Variants in TTC28 observed in about 807,000 individuals in gnomAD.
TTC28 encodes the protein tetratricopeptide repeat protein 28.
In TTC28, 61 loss-of-function variants were observed where a neutral mutation model predicts 198.0. The observed-to-expected ratio is 0.31, with a 90% CI of 0.25 to 0.38. The LOEUF is 0.38. TTC28 is among the 10% of genes least tolerant of loss of function. TTC28 has a pLI of 1.00. For missense variants in TTC28, 2,678 were observed against 3,164.0 expected (o/e 0.85, Z 3.69); for synonymous variants, 1,171 against 1,297.8 (o/e 0.90, Z 2.10).
chr22:28,278,099 T>C (rs2044505723), intron 5 of TTC28, among the ~76,000 whole-genome samples: 1 of 152,120 alleles, frequency 6.6e-6, no homozygotes, highest in African/African-American at 2.4e-5. Flanking sequence ...AGCTATTGGT[T>C]CAATCTACAG....
intron 6 of TTC28, among the ~76,000 whole-genome samples, chr22:28,111,855 C>T (rs1942489780): frequency 6.6e-6 from 1 of 152,172 alleles, no homozygotes; most frequent in South Asian, 2.1e-4. Flanking sequence ...CTGTAGGAAG[C>T]TTGGCTTTCC....
intron 1 of TTC28, among the ~76,000 whole-genome samples, chr22:28,637,736 C>T (rs549426113): frequency 9.3e-5 from 14 of 150,240 alleles, no homozygotes; most frequent in African/African-American, 3.2e-4. Context: ...AAATTCAGGA[C>T]ACAATAAAAT....
intron 14 of TTC28, 115 bp from the exon 15 acceptor site, chr22:28,001,668 GT>G (rs1937699539): frequency 1.6e-6 from 2 of 1,225,566 alleles, no homozygotes; most frequent in Non-Finnish European, 2.2e-6. Flanking sequence ...GGTGAGGCCT[GT>G]GGGGGTGTGG....
At chr22:28,316,928 G>A (rs2045361389) in intron 2 of TTC28, among the ~76,000 whole-genome samples, 2 of 151,900 alleles carry the variant, frequency 1.3e-5, no homozygotes, top group Admixed American at 6.6e-5. Context: ...TACCATGCCT[G>A]GCTAACTTAA....
At chr22:28,373,247 C>T (rs1361376067) in intron 2 of TTC28, among the ~76,000 whole-genome samples, 1 of 148,816 alleles carries the variant, frequency 6.7e-6, no homozygotes, top group Non-Finnish European at 1.5e-5. Context: ...TCCTGTTTTA[C>T]AAATGTTGAA....
chr22:28,340,237 G>A (rs2045807941), intron 2 of TTC28, among the ~76,000 whole-genome samples: 2 of 152,026 alleles, frequency 1.3e-5, no homozygotes, highest in Admixed American at 1.3e-4. Flanking sequence ...GTGAGGGGTT[G>A]GAGTAAGTGA....
chr22:27,978,212 G>A lies in TTC28; in HGVS notation c.*4009C>T, dbSNP rs987189075. 1 of 152,234 alleles carries A rather than the reference G, an allele frequency of 6.6e-6. No homozygotes were observed. The highest frequency in any genetic ancestry group is 2.4e-5 in the African/African-American group (1 of 41,464). 9.4% of individuals were successfully genotyped at this position (152,234 alleles called of 1,614,324 possible). ...CAAAGATGGCTAACACTGCATATAA[G>A]GAACGTGAATGCCAGTGGGAAGGTG... On this transcript the variant is annotated 3_prime_UTR_variant, in exon 23 of 23. Transcript: ENST00000397906.
At chr22:28,548,249 G>C (rs1442223030) in intron 2 of TTC28, among the ~76,000 whole-genome samples, 1 of 152,126 alleles carries the variant, frequency 6.6e-6, no homozygotes, top group East Asian at 1.9e-4. Context: ...TGCATTTATA[G>C]CAGGCTGAGC....
At chr22:28,370,511 A>G (rs559782410) in intron 2 of TTC28, among the ~76,000 whole-genome samples, 9 of 152,330 alleles carry the variant, frequency 5.9e-5, no homozygotes, top group African/African-American at 1.7e-4. Context: ...AAACTATTCT[A>G]TATCTTGTCC....
At chr22:28,133,416 A>G (rs547066685) in intron 6 of TTC28, among the ~76,000 whole-genome samples, 2 of 152,228 alleles carry the variant, frequency 1.3e-5, no homozygotes, top group Admixed American at 6.5e-5. Context: ...GTGAGGCATC[A>G]CCTCACTCAG....
At position 28,191,051 on chromosome 22, in the gene TTC28, C is replaced by A. The variant is rs1483493093; in HGVS notation, c.934-27452G>T. Among the ~76,000 whole-genome samples, 6 of 152,170 alleles carry A rather than the reference C, an allele frequency of 3.9e-5. No individual in the cohort carries two copies. In the East Asian group the frequency reaches 1.2e-3, roughly 29 times the overall value. On this transcript the variant is annotated intron_variant, in intron 5 of 22. Coordinates refer to ENST00000397906, the MANE Select transcript of TTC28 (RefSeq NM_001145418.2). Reference sequence around the variant, plus strand: ...AACGATTTTCACAATATGATTCCAACCTCCTTTTTAGTATCATCTCCCTCC... The same window carrying A: ...AACGATTTTCACAATATGATTCCAAACTCCTTTTTAGTATCATCTCCCTCC...
intron 5 of TTC28, among the ~76,000 whole-genome samples, chr22:28,191,674 A>C (rs1298862594): frequency 6.6e-6 from 1 of 152,236 alleles, no homozygotes; most frequent in Non-Finnish European, 1.5e-5. Flanking sequence ...TCCTATGCCC[A>C]CGGAGCCTTG....
rs1351691303 is a variant in TTC28 at position 28,391,080 on chromosome 22, T to C, written c.382-84437A>G. Reference sequence around the variant, plus strand: ...AGCATTTGCTTGTCTGTAAAGGATTTTATTTCTCCTTCACTTATGAAGCTT... The same window carrying C: ...AGCATTTGCTTGTCTGTAAAGGATTCTATTTCTCCTTCACTTATGAAGCTT... On this transcript the variant is annotated intron_variant, in intron 2 of 22. Transcript: ENST00000397906. Among the ~76,000 whole-genome samples, 3 of 152,058 alleles carry C rather than the reference T, an allele frequency of 2.0e-5. No individual in the cohort carries two copies. In the East Asian group the frequency reaches 5.8e-4, roughly 29 times the overall value.
intron 2 of TTC28, among the ~76,000 whole-genome samples, chr22:28,532,579 C>T (rs1034314335): frequency 5.3e-5 from 8 of 152,192 alleles, no homozygotes; most frequent in Non-Finnish European, 5.9e-5. Flanking sequence ...CACCCTGATA[C>T]CAAAGCCTGG....
At chr22:28,163,883 TC>T (rs1315947080) in intron 5 of TTC28, among the ~76,000 whole-genome samples, 3 of 152,250 alleles carry the variant, frequency 2.0e-5, no homozygotes, top group Non-Finnish European at 4.4e-5. Flanking sequence ...GTCAAGGAAT[TC>T]CCTTTCCTAG....
intron 6 of TTC28, among the ~76,000 whole-genome samples, chr22:28,113,002 G>A (rs1238156068): frequency 6.6e-6 from 1 of 152,212 alleles, no homozygotes; most frequent in Non-Finnish European, 1.5e-5. Context: ...TCAAAGGGCT[G>A]TTGTGAGGGC....
intron 12 of TTC28, among the ~76,000 whole-genome samples, chr22:28,048,548 G>A (rs1248364140): frequency 6.6e-6 from 1 of 152,190 alleles, no homozygotes; most frequent in East Asian, 1.9e-4. Flanking sequence ...AACCACAGAC[G>A]TGGCATTAAG....
chr22:28,294,583 C>T (rs1397058019), intron 5 of TTC28, among the ~76,000 whole-genome samples: 2 of 151,602 alleles, frequency 1.3e-5, no homozygotes, highest in Non-Finnish European at 2.9e-5. Context: ...TTTCTTTCCC[C>T]CCCAAGATGG....
intron 12 of TTC28, among the ~76,000 whole-genome samples, chr22:28,091,921 T>C (rs1941827526): frequency 6.6e-6 from 1 of 152,120 alleles, no homozygotes; most frequent in Non-Finnish European, 1.5e-5. Flanking sequence ...CTGGGAGTTG[T>C]AGAGGCTTCC....
Sources: allele counts gnomAD v4.1 joint callset (sites outside exome capture counted in the v4.1 genomes callset), GRCh38; gene constraint gnomAD v4.1.1; transcripts MANE v1.5; gene names NCBI Gene and HGNC (gene_info 2026-07-23, HGNC 2026-07-21).